Variants in ANKS1B observed in about 807,000 individuals in gnomAD.
ANKS1B encodes ankyrin repeat and sterile alpha motif domain-containing protein 1B.
A neutral mutation model predicts 148.3 loss-of-function variants in ANKS1B; 36 were observed. That is an observed-to-expected ratio of 0.24 (90% CI 0.19 to 0.32). The LOEUF is 0.32. ANKS1B is among the 10% of genes least tolerant of loss of function. The pLI, the probability that ANKS1B is intolerant of heterozygous loss-of-function variation, is 1.00. For synonymous variants in ANKS1B, 542 were observed against 560.8 expected (o/e 0.97, Z 0.47); for missense variants, 1,157 against 1,542.6 (o/e 0.75, Z 4.19).
intron 1 of ANKS1B, among the ~76,000 whole-genome samples, chr12:99,958,797 G>C (rs957250507): frequency 3.3e-5 from 5 of 152,192 alleles, no homozygotes; most frequent in African/African-American, 1.2e-4. Flanking sequence ...GAAGTAGTAA[G>C]GAAAAACGTC....
At chr12:98,792,056 T>G (rs1255017850) in intron 22 of ANKS1B, among the ~76,000 whole-genome samples, 1 of 152,196 alleles carries the variant, frequency 6.6e-6, no homozygotes, top group Non-Finnish European at 1.5e-5. Context: ...TATTTGAAAA[T>G]TCACGCTTTA....
chr12:99,513,208 A>G (rs1405056064), intron 9 of ANKS1B, among the ~76,000 whole-genome samples: 1 of 152,030 alleles, frequency 6.6e-6, no homozygotes, highest in Non-Finnish European at 1.5e-5. Flanking sequence ...TTAGTAATAA[A>G]GTATTTTTAA....
intron 2 of ANKS1B, among the ~76,000 whole-genome samples, chr12:99,813,745 T>C (rs1042798368): frequency 7.9e-5 from 12 of 151,786 alleles, no homozygotes; most frequent in African/African-American, 2.9e-4. Context: ...CTAAATTGTC[T>C]AATGATATAA....
intron 16 of ANKS1B, among the ~76,000 whole-genome samples, chr12:99,080,504 T>A (rs1414136091): frequency 6.6e-6 from 1 of 152,210 alleles, no homozygotes; most frequent in Non-Finnish European, 1.5e-5. Flanking sequence ...AGCGTGAGCA[T>A]ACAATATAAA....
chr12:99,563,411 A>G (rs930155539), intron 9 of ANKS1B, among the ~76,000 whole-genome samples: 1 of 152,166 alleles, frequency 6.6e-6, no homozygotes, highest in Non-Finnish European at 1.5e-5. Flanking sequence ...AGGGCTATTA[A>G]TTGGCTTAAT....
At chr12:99,670,418 G>T (rs2098531760) in intron 8 of ANKS1B, among the ~76,000 whole-genome samples, 1 of 151,942 alleles carries the variant, frequency 6.6e-6, no homozygotes, top group Non-Finnish European at 1.5e-5. Flanking sequence ...CAACCAACCT[G>T]AACTTCCTGT....
chr12:99,588,574 G>C (rs933973552), intron 9 of ANKS1B, among the ~76,000 whole-genome samples: 1 of 151,924 alleles, frequency 6.6e-6, no homozygotes, highest in Non-Finnish European at 1.5e-5. Flanking sequence ...CCGCCACTAC[G>C]CCCGGCTAAT....
intron 12 of ANKS1B, among the ~76,000 whole-genome samples, chr12:99,263,484 C>T (rs936795536): frequency 2.0e-5 from 3 of 152,084 alleles, no homozygotes; most frequent in Admixed American, 2.0e-4. Context: ...GCTACTATTT[C>T]CCTTGCCCAT....
At chr12:99,873,594 T>C (rs975389712) in intron 1 of ANKS1B, among the ~76,000 whole-genome samples, 5 of 152,198 alleles carry the variant, frequency 3.3e-5, no homozygotes, top group South Asian at 4.1e-4. Context: ...CAGTTAGACA[T>C]ACCCATCTCC....
chr12:99,626,807 A>T (rs962416874), intron 9 of ANKS1B, among the ~76,000 whole-genome samples: 7 of 152,174 alleles, frequency 4.6e-5, no homozygotes, highest in Non-Finnish European at 1.0e-4. Context: ...ACAGGGCCTG[A>T]GCAGCACTAG....
At chr12:99,837,118 A>G (rs1281090824) in intron 1 of ANKS1B, among the ~76,000 whole-genome samples, 1 of 152,182 alleles carries the variant, frequency 6.6e-6, no homozygotes, top group Non-Finnish European at 1.5e-5. Context: ...AATCAAAAAG[A>G]CGGCACAGTC....
intron 17 of ANKS1B, among the ~76,000 whole-genome samples, chr12:98,847,800 T>C (rs1358985756): frequency 6.6e-6 from 1 of 152,154 alleles, no homozygotes; most frequent in East Asian, 1.9e-4. Context: ...TTTGTCATGT[T>C]GGTCAGGCTG....
chr12:99,416,327 T>G (rs1450174771), intron 11 of ANKS1B, among the ~76,000 whole-genome samples: 2 of 152,212 alleles, frequency 1.3e-5, no homozygotes, highest in African/African-American at 2.4e-5. Flanking sequence ...TGTGTACAGA[T>G]TTTTCAGTGA....
chr12:99,660,739 G>A (rs1599063415), intron 8 of ANKS1B, among the ~76,000 whole-genome samples: 1 of 152,146 alleles, frequency 6.6e-6, no homozygotes, highest in East Asian at 1.9e-4. Context: ...ATATGAGAAT[G>A]TGATCATGTT....
At chr12:99,791,684 A>G (rs920308816) in intron 4 of ANKS1B, among the ~76,000 whole-genome samples, 8 of 151,984 alleles carry the variant, frequency 5.3e-5, no homozygotes, top group Non-Finnish European at 1.2e-4. Flanking sequence ...TCAGAAAGAA[A>G]ATTTAAAAAT....
chr12:99,834,439 G>A (rs1441408433), intron 1 of ANKS1B, among the ~76,000 whole-genome samples: 1 of 151,990 alleles, frequency 6.6e-6, no homozygotes, highest in Non-Finnish European at 1.5e-5. Context: ...AGACAATATG[G>A]GGTTGCCAAT....
At chr12:99,580,058 G>T (rs999237370) in intron 9 of ANKS1B, among the ~76,000 whole-genome samples, 11 of 152,142 alleles carry the variant, frequency 7.2e-5, no homozygotes, top group Admixed American at 2.0e-4. Flanking sequence ...CAACATGGAT[G>T]CAGCTAGAAA....
intron 17 of ANKS1B, among the ~76,000 whole-genome samples, chr12:98,997,099 G>T (rs2099930140): frequency 6.6e-6 from 1 of 151,976 alleles, no homozygotes; most frequent in Non-Finnish European, 1.5e-5. Context: ...TTATTTAAAA[G>T]AAATATGCAA....
chr12:99,600,836 T>C (rs773511554), intron 9 of ANKS1B, among the ~76,000 whole-genome samples: 1 of 152,110 alleles, frequency 6.6e-6, no homozygotes, highest in African/African-American at 2.4e-5. Context: ...TTTTTATCTC[T>C]TTTGTTTTCC....
Sources: gnomAD v4.1 joint callset for allele counts (sites outside exome capture counted in the v4.1 genomes callset) on GRCh38, gnomAD v4.1.1 for gene constraint, MANE v1.5 for transcripts, NCBI Gene and HGNC (gene_info 2026-07-23, HGNC 2026-07-21) for gene names.